Variants in TECTA observed in about 807,000 individuals in gnomAD.
The protein encoded by TECTA is alpha-tectorin.
Under a neutral mutation model 216.8 loss-of-function variants are expected in TECTA, and 128 were observed. The observed-to-expected ratio is 0.59, with a 90% confidence interval of 0.51 to 0.68. The LOEUF (loss-of-function observed/expected upper bound fraction) is 0.68. Among genes scored for constraint, TECTA ranks in the 30% least tolerant of loss-of-function variants. The pLI, the probability that TECTA is intolerant of heterozygous loss-of-function variation, is 0.00. For missense variants in TECTA, 2,551 were observed against 2,786.2 expected (o/e 0.92, Z 1.90); for synonymous variants, 1,089 against 1,117.1 (o/e 0.97, Z 0.50).
At chr11:121,118,203 T>TA (rs1303479027) in intron 6 of TECTA, 103 bp from the exon 7 acceptor site, 1 of 1,454,478 alleles carries the variant, frequency 6.9e-7, no homozygotes, top group Non-Finnish European at 9.4e-7. Flanking sequence ...ACAGGGTTCT[T>TA]ACGTGGATTA....
Position 121,125,816 on chromosome 11 carries a change from T to C in TECTA, c.1718T>C (p.Leu573Pro). Reference sequence around the variant, plus strand: ...TGCCAAGCCATCCAGGCCTATGCTCTTGTGTGCCAAGCCCTTGGCATTCCA... The same window carrying C: ...TGCCAAGCCATCCAGGCCTATGCTCCTGTGTGCCAAGCCCTTGGCATTCCA... ...LLCQAIQAYA[L>P]VCQALGIPIG... is the part of the protein sequence containing the mutation. The change falls in exon 8 of 24, where the codon CTT becomes CCT. Residue 573 changes from leucine to proline, a missense_variant. Around this residue, in one of 3 missense-constraint regions of TECTA, gnomAD observed 2,375 missense variants for 2,563.9 expected, o/e 0.93. Coordinates refer to ENST00000392793, the MANE Select transcript of TECTA (RefSeq NM_005422.4). The C allele has an allele frequency of 6.2e-7, 1 of 1,613,772 alleles. No individual in the cohort carries two copies. Among genetic ancestry groups the C allele is most frequent in the Non-Finnish European group, 8.5e-7 (1 of 1,180,040 alleles).
Position 121,190,721 on chromosome 11 carries a change from T to C in TECTA, c.6383T>C (p.Met2128Thr), listed in dbSNP as rs760636793. 1.2e-6 allele frequency: 2 copies of C among 1,613,842 alleles called. No individual in the cohort carries two copies. Among genetic ancestry groups the C allele is most frequent in the East Asian group, 2.2e-5 (1 of 44,872 alleles). Residue 2128 changes from methionine to threonine, a missense_variant, in exon 24 of 24, where the codon ATG (methionine) becomes ACG (threonine). Physicochemically the swap from Met to Thr is moderately conservative, Grantham distance 81. Around this residue, in one of 3 missense-constraint regions of TECTA, gnomAD observed 118 missense variants for 116.4 expected, o/e 1.01. Coordinates refer to ENST00000392793, the MANE Select transcript of TECTA (RefSeq NM_005422.4). ...GKSCRASNSS[M>T]ELQVWTLLLI... is the part of the protein sequence containing the mutation. ...CTGTTTACAGCCTCTAATTCTTCAA[T>C]GGAACTTCAAGTCTGGACGCTTCTT...
At position 121,153,023 on chromosome 11, in the gene TECTA, C is replaced by A; in HGVS notation, c.4248C>A (p.Gly1416=). The A allele has an allele frequency of 6.2e-7, 1 of 1,614,180 alleles. No individual in the cohort carries two copies. Among genetic ancestry groups the A allele is most frequent in the African/African-American group, 1.3e-5 (1 of 75,076 alleles). The change falls in exon 13 of 24, where the codon GGC becomes GGA. Residue 1416 remains glycine, a synonymous_variant. Transcript: ENST00000392793. ...GCGACGCTGGCTACGTCCTCAACGG[C>A]AAGAGCTGCATCCTGCCCCACAGCT... ...CHCDAGYVLN[G]KSCILPHSCG... is the part of the protein sequence containing the mutation.
At chr11:121,131,212 T>C (rs1387055159) in intron 10 of TECTA, among the ~76,000 whole-genome samples, 6 of 13,562 alleles carry the variant, frequency 4.4e-4, no homozygotes, top group African/African-American at 4.1e-3. Flanking sequence ...AGACTCCATC[T>C]CAAAAAAAAA....
chr11:121,159,862 G>A (rs1359391159), intron 14 of TECTA, among the ~76,000 whole-genome samples: 1 of 152,198 alleles, frequency 6.6e-6, no homozygotes, highest in African/African-American at 2.4e-5. Context: ...CAACTACACA[G>A]TAAGATGAGT....
Position 121,160,416 on chromosome 11 carries a change from G to A in TECTA, c.4971G>A (p.Gln1657=), listed in dbSNP as rs764244736. Residue 1657 remains glutamine, a synonymous_variant, in exon 15 of 24, where the codon CAG becomes CAA. Transcript: ENST00000392793. The part of the protein sequence containing the change: ...LAQSWKTNGM[Q]KRPLAPSCNE... The stretch of plus-strand genomic sequence containing the variant: ...AGAGCTGGAAAACCAATGGCATGCA[G>A]AAGAGGTGAGGGTGTAGGAGTTCAA... 3 of 1,610,240 alleles carry A rather than the reference G, an allele frequency of 1.9e-6. No individual in the cohort carries two copies. The highest frequency in any genetic ancestry group is 2.5e-6 in the Non-Finnish European group (3 of 1,179,826).
At chr11:121,175,610 A>C (rs1260330379) in intron 20 of TECTA, among the ~76,000 whole-genome samples, 5 of 152,172 alleles carry the variant, frequency 3.3e-5, no homozygotes, top group African/African-American at 4.8e-5. Flanking sequence ...CTTTACTTCC[A>C]ACTATGTGGT....
At chr11:121,124,498 T>G (rs1946588271) in intron 7 of TECTA, among the ~76,000 whole-genome samples, 1 of 152,204 alleles carries the variant, frequency 6.6e-6, no homozygotes, top group Admixed American at 6.5e-5. Flanking sequence ...CTTAACTGCT[T>G]CTAAAAAACT....
chr11:121,118,167 C>A, intron 6 of TECTA, 139 bp from the exon 7 acceptor site: 1 of 1,102,066 alleles, frequency 9.1e-7, no homozygotes, highest in Non-Finnish European at 1.3e-6. Context: ...CCTCATTTGT[C>A]AAATGAGGGT....
chr11:121,131,982 A>T (rs768815725), intron 10 of TECTA, among the ~76,000 whole-genome samples: 10 of 152,250 alleles, frequency 6.6e-5, no homozygotes, highest in Non-Finnish European at 1.5e-4. Context: ...AGATTTCTCC[A>T]TTGAAAGTTA....
In TECTA at chr11:121,158,148, A is replaced by G. The variant is rs1308158387; in HGVS notation, c.4613A>G (p.Asn1538Ser). 8 of 1,614,062 alleles carry G rather than the reference A, an allele frequency of 5.0e-6. No homozygotes were observed. The highest frequency in any genetic ancestry group is 6.8e-6 in the Non-Finnish European group (8 of 1,180,022). Residue 1538 changes from asparagine to serine, a missense_variant, in exon 14 of 24, where the codon AAC becomes AGC. Around this residue, in one of 3 missense-constraint regions of TECTA, gnomAD observed 2,375 missense variants for 2,563.9 expected, o/e 0.93. Coordinates refer to ENST00000392793, the MANE Select transcript of TECTA (RefSeq NM_005422.4). The stretch of plus-strand genomic sequence containing the variant: ...AACTTCGACAAGTGGTCGGCCCCCA[A>G]CCTCACCATCATTTCGCCCGTCTAC... ...IINFDKWSAP[N>S]LTIISPVYFY...
chr11:121,189,910 G>A, intron 23 of TECTA, 30 bp downstream of exon 23: 1 of 1,585,186 alleles, frequency 6.3e-7, no homozygotes, highest in Non-Finnish European at 8.7e-7. Flanking sequence ...GGGGCAGGCA[G>A]CTGGGAGACA....
chr11:121,183,855 A>G (rs1285508258), intron 20 of TECTA, among the ~76,000 whole-genome samples: 4 of 152,174 alleles, frequency 2.6e-5, no homozygotes, highest in African/African-American at 9.7e-5. Context: ...TTGTATGATA[A>G]TGGCTCAATG....
At chr11:121,175,471 G>C (rs2100118805) in intron 20 of TECTA, among the ~76,000 whole-genome samples, 1 of 152,156 alleles carries the variant, frequency 6.6e-6, no homozygotes, top group African/African-American at 2.4e-5. Flanking sequence ...TTCAGGAGCA[G>C]GTTGTTCAGT....
At chr11:121,183,409 A>G (rs202102360) in intron 20 of TECTA, among the ~76,000 whole-genome samples, 1 of 152,162 alleles carries the variant, frequency 6.6e-6, no homozygotes, top group African/African-American at 2.4e-5. Context: ...TCAGGGCCCA[A>G]ATGGCTCTCC....
chr11:121,125,466 C>T lies in TECTA; in HGVS notation c.1368C>T (p.Ser456=). 3.1e-6 allele frequency: 5 copies of T among 1,614,220 alleles called. No individual in the cohort carries two copies. Among genetic ancestry groups the T allele is most frequent in the Non-Finnish European group, 3.4e-6 (4 of 1,180,052 alleles). The change falls in exon 8 of 24, where the codon TCC becomes TCT. Residue 456 remains serine, a synonymous_variant. Coordinates refer to ENST00000392793, the MANE Select transcript of TECTA (RefSeq NM_005422.4). ...SISVPGSYIN[S]TCGLCGNYNK... ...CCGTCCCAGGCTCCTATATAAACTC[C>T]ACCTGTGGACTCTGTGGAAACTATA...
At position 121,149,885 on chromosome 11, in the gene TECTA, C is replaced by T. The variant is rs116270218; in HGVS notation, c.4106-2996C>T. On this transcript the variant is annotated intron_variant, in intron 12 of 23. Coordinates refer to ENST00000392793, the MANE Select transcript of TECTA (RefSeq NM_005422.4). ...TCTAGGAATCTGAAAGTTTGTTTTC[C>T]AAGAATCAGGTGTTTCTTAGCCATC... is the stretch of plus-strand genomic sequence containing the variant. Among the ~76,000 whole-genome samples, 1,149 of 152,292 alleles carry T rather than the reference C, an allele frequency of 7.5e-3. 20 individuals carry two copies. Among genetic ancestry groups the T allele is most frequent in the African/African-American group, 0.025 (1,044 of 41,554 alleles).
At position 121,103,326 on chromosome 11, in the gene TECTA, C is replaced by T. The variant is rs887225734; in HGVS notation, c.64+597C>T. ...TTTTGGATTTTAGACAAAGACGGGG[C>T]GGTCTACGTAGATTTTAACTTTTTA... On this transcript the variant is annotated intron_variant, in intron 2 of 23. Transcript: ENST00000392793. 2.6e-5 allele frequency among the ~76,000 whole-genome samples: 4 copies of T among 152,102 alleles called. No homozygotes were observed. In the East Asian group the frequency reaches 5.8e-4, roughly 22 times the overall value.
rs527921152 is a variant in TECTA at position 121,132,997 on chromosome 11, G to C, written c.2941+2786G>C. On this transcript the variant is annotated intron_variant, in intron 10 of 23. Coordinates refer to ENST00000392793, the MANE Select transcript of TECTA (RefSeq NM_005422.4). Reference sequence around the variant, plus strand: ...TCCACCCACCTTGGTGTCCTAAGGTGCTGGGATTACAGGCGTGAGCCACCA... The same window carrying C: ...TCCACCCACCTTGGTGTCCTAAGGTCCTGGGATTACAGGCGTGAGCCACCA... Among the ~76,000 whole-genome samples the C allele has an allele frequency of 3.9e-5, 6 of 152,320 alleles. No homozygotes were observed. The South Asian group carries it at 1.2e-3, about 32-fold the overall frequency.
Sources: gnomAD v4.1 joint callset for allele counts (sites outside exome capture counted in the v4.1 genomes callset) on GRCh38, gnomAD v4.1.1 for gene constraint, gnomAD v4.1.1 regional missense constraint, MANE v1.5 for transcripts, NCBI Gene and HGNC (gene_info 2026-07-23, HGNC 2026-07-21) for gene names.